The following PPP2R2B variants were observed in gnomAD, a reference collection of about 807,000 sequenced individuals.
The protein encoded by PPP2R2B is serine/threonine-protein phosphatase 2A 55 kDa regulatory subunit B beta isoform.
In PPP2R2B, 5 loss-of-function variants were observed where a neutral mutation model predicts 46.0. That is an observed-to-expected ratio of 0.11 (90% CI 0.06 to 0.23). PPP2R2B has a LOEUF of 0.23. Ranked by LOEUF, PPP2R2B falls within the 10% of genes least tolerant of loss-of-function variation. The pLI, the probability that PPP2R2B is intolerant of heterozygous loss-of-function variation, is 1.00. For synonymous variants in PPP2R2B, 215 were observed against 206.7 expected (o/e 1.04, Z -0.34); for missense variants, 367 against 575.0 (o/e 0.64, Z 3.70).
chr5:146,915,982 C>T (rs1040773764), intron 1 of PPP2R2B, among the ~76,000 whole-genome samples: 22 of 152,130 alleles, frequency 1.4e-4, no homozygotes, highest in African/African-American at 9.7e-5. Context: ...TTTTAGAAAC[C>T]GGACTTGTAA....
chr5:146,974,335 G>A (rs1752797369), intron 1 of PPP2R2B, among the ~76,000 whole-genome samples: 1 of 152,128 alleles, frequency 6.6e-6, no homozygotes, highest in African/African-American at 2.4e-5. Context: ...CATGAGGCAG[G>A]GTTCATTATT....
At chr5:146,937,591 C>T (rs1764194983) in intron 1 of PPP2R2B, among the ~76,000 whole-genome samples, 2 of 152,024 alleles carry the variant, frequency 1.3e-5, no homozygotes, top group South Asian at 2.1e-4. Flanking sequence ...GTGGCCTCTG[C>T]TCTGAGATTT....
chr5:146,709,689 A>G (rs1561849627), intron 2 of PPP2R2B, among the ~76,000 whole-genome samples: 1 of 152,216 alleles, frequency 6.6e-6, no homozygotes, highest in African/African-American at 2.4e-5. Flanking sequence ...TCATGTGACC[A>G]TGAGGTAATA....
intron 1 of PPP2R2B, among the ~76,000 whole-genome samples, chr5:146,890,755 T>C (rs1161964464): frequency 6.6e-6 from 1 of 152,192 alleles, no homozygotes; most frequent in Non-Finnish European, 1.5e-5. Flanking sequence ...CTACAAGGAC[T>C]GAACAAAGGA....
chr5:146,886,340 AAAATAAAT>A (rs59329730), intron 1 of PPP2R2B, among the ~76,000 whole-genome samples: 10 of 145,222 alleles, frequency 6.9e-5, no homozygotes, highest in Admixed American at 2.1e-4. Flanking sequence ...CTCCGTCTCA[AAAATAAAT>A]AAATAAATAA....
chr5:146,625,020 G>C (rs558357867), intron 7 of PPP2R2B, among the ~76,000 whole-genome samples: 37 of 152,304 alleles, frequency 2.4e-4, no homozygotes, highest in African/African-American at 7.9e-4. Context: ...AAGGGCAGGG[G>C]GCATGATTTT....
chr5:147,002,922 C>T (rs888456194), intron 1 of PPP2R2B, among the ~76,000 whole-genome samples: 38 of 151,340 alleles, frequency 2.5e-4, no homozygotes, highest in African/African-American at 8.7e-4. Flanking sequence ...TGAAATGCAT[C>T]CTAAGCCATT....
intron 2 of PPP2R2B, among the ~76,000 whole-genome samples, chr5:146,784,410 T>C (rs1365553062): frequency 1.3e-5 from 2 of 152,206 alleles, no homozygotes; most frequent in East Asian, 1.9e-4. Flanking sequence ...AAGAAATATA[T>C]TGGCACTTAT....
intron 1 of PPP2R2B, among the ~76,000 whole-genome samples, chr5:146,920,042 T>C (rs898666089): frequency 1.3e-5 from 2 of 152,194 alleles, no homozygotes; most frequent in African/African-American, 4.8e-5. Flanking sequence ...TTACCAAAGA[T>C]ATCTTTGTGA....
intron 1 of PPP2R2B, among the ~76,000 whole-genome samples, chr5:146,912,936 A>T (rs1763245658): frequency 6.6e-6 from 1 of 152,198 alleles, no homozygotes; most frequent in Admixed American, 6.5e-5. Flanking sequence ...TGGGGATTAT[A>T]TGCTGGTAAG....
At chr5:146,849,879 A>T (rs1360078409) in intron 2 of PPP2R2B, among the ~76,000 whole-genome samples, 1 of 152,216 alleles carries the variant, frequency 6.6e-6, no homozygotes, top group East Asian at 1.9e-4. Flanking sequence ...TTCCTGACAA[A>T]CAGGCACAAA....
intron 1 of PPP2R2B, among the ~76,000 whole-genome samples, chr5:146,970,920 C>G (rs1452006765): frequency 2.6e-5 from 4 of 152,040 alleles, no homozygotes; most frequent in Non-Finnish European, 5.9e-5. Context: ...ATTCAGCTAT[C>G]TAGAAATAAT....
chr5:146,792,589 G>A (rs1561910767), intron 2 of PPP2R2B, among the ~76,000 whole-genome samples: 1 of 152,192 alleles, frequency 6.6e-6, no homozygotes, highest in African/African-American at 2.4e-5. Context: ...ATGCAGATCA[G>A]AAAGACTAAA....
intron 4 of PPP2R2B, among the ~76,000 whole-genome samples, chr5:146,693,689 C>T (rs1481104757): frequency 6.6e-6 from 1 of 152,116 alleles, no homozygotes; most frequent in Non-Finnish European, 1.5e-5. Flanking sequence ...TATTTGTAAA[C>T]TGGGGAAACA....
rs539008122 is a variant in PPP2R2B at position 146,609,897 on chromosome 5, G to T, written c.791-9437C>A. On this transcript the variant is annotated intron_variant, in intron 7 of 9. Coordinates refer to ENST00000394411, the MANE Select transcript of PPP2R2B (RefSeq NM_181675.4). ...CAGCAGTCTGAGATCAAACTGCAAG[G>T]TGGCAACGAGGCTGGGGGAGGGGCG... 1.8e-4 allele frequency among the ~76,000 whole-genome samples: 26 copies of T among 143,054 alleles called. 5 individuals carry two copies. Among genetic ancestry groups the T allele is most frequent in the African/African-American group, 7.1e-4 (25 of 35,388 alleles). 93.8% of individuals were successfully genotyped at this position (143,054 alleles called of 152,430 possible). A position where few individuals can be genotyped will look rare whatever the true frequency, so the allele number is the denominator to read the frequency against.
rs914163187 is a variant in PPP2R2B, at chr5:146,588,462, C to G, written c.*1485G>C. 1.3e-5 allele frequency: 2 copies of G among 152,198 alleles called. No individual in the cohort carries two copies. Among genetic ancestry groups the G allele is most frequent in the East Asian group, 3.8e-4 (2 of 5,200 alleles). 9.4% of individuals were successfully genotyped at this position (152,198 alleles called of 1,614,324 possible). On this transcript the variant is annotated 3_prime_UTR_variant, in exon 10 of 10. Transcript: ENST00000394411. ...AGAAAATTTCCCTTTCATTGAAAAA[C>G]TCTCATCTCAAACCATTTACCCTGC... is the stretch of plus-strand genomic sequence containing the variant.
At chr5:146,618,269 T>G (rs988741445) in intron 7 of PPP2R2B, among the ~76,000 whole-genome samples, 18 of 152,110 alleles carry the variant, frequency 1.2e-4, no homozygotes, top group African/African-American at 4.3e-4. Context: ...ACCGCTGTCT[T>G]TGAAGATGGA....
intron 5 of PPP2R2B, among the ~76,000 whole-genome samples, chr5:146,686,235 A>G (rs1464346403): frequency 3.9e-5 from 6 of 152,224 alleles, no homozygotes; most frequent in Admixed American, 2.6e-4. Flanking sequence ...AACAAAACAG[A>G]GTCCCTGCTT....
chr5:146,883,186 A>G (rs143205537), upstream of PPP2R2B, among the ~76,000 whole-genome samples: 23 of 152,356 alleles, frequency 1.5e-4, no homozygotes, highest in African/African-American at 5.3e-4. Context: ...TTTGGTGAGT[A>G]GTTTAACATC....
Sources: gnomAD v4.1 joint callset for allele counts (sites outside exome capture counted in the v4.1 genomes callset) on GRCh38, gnomAD v4.1.1 for gene constraint, MANE v1.5 for transcripts, NCBI Gene and HGNC (gene_info 2026-07-23, HGNC 2026-07-21) for gene names.